The following RIF1 variants were observed in gnomAD, a reference collection of about 807,000 sequenced individuals.
The protein encoded by RIF1 is telomere-associated protein RIF1.
RIF1 carries 45 observed loss-of-function variants against 247.1 expected under a neutral mutation model. The observed-to-expected ratio is 0.18, with a 90% CI of 0.14 to 0.23. The LOEUF is 0.23. Among genes scored for constraint, RIF1 ranks in the 10% least tolerant of loss-of-function variants. The probability of loss-of-function intolerance (pLI) is 1.00; values close to 1 mark genes in which losing one functional copy is unlikely to be tolerated. For synonymous variants in RIF1, 1,087 were observed against 978.8 expected, an observed-to-expected ratio of 1.11 and a Z score of -2.06; for missense variants, 2,967 against 2,862.5, an observed-to-expected ratio of 1.04 and a Z score of -0.83.
chr2:151,524,913 G>C, the RIF1 span, among the ~76,000 whole-genome samples: 1 of 151,972 alleles, frequency 6.6e-6, no homozygotes, highest in Non-Finnish European at 1.5e-5. Context: ...TGATCTGCCT[G>C]TCTTGGGCTC....
At chr2:151,518,736 A>G in the RIF1 span, among the ~76,000 whole-genome samples, 1 of 152,184 alleles carries the variant, frequency 6.6e-6, no homozygotes. Flanking sequence ...TTGGAGGGCA[A>G]AGTTTAAATA....
chr2:151,438,808 T>G (rs1691726855), intron 14 of RIF1, 62 bp downstream of exon 14: 5 of 973,248 alleles, frequency 5.1e-6, no homozygotes, highest in Non-Finnish European at 8.3e-6. Context: ...AGATGATTTT[T>G]ATAGCATCCG....
Position 151,459,473 on chromosome 2 carries a change from A to G in RIF1, c.2956-527A>G, listed in dbSNP as rs139478940. On this transcript the variant is annotated intron_variant, in intron 25 of 35. Coordinates refer to ENST00000444746, the MANE Select transcript of RIF1 (RefSeq NM_018151.5). ...TTTTGTTTAGAATCTTTGGGAGAAA[A>G]AAGACTGTTATAGCCAACTAAGTAT... Among the ~76,000 whole-genome samples the G allele has an allele frequency of 8.0e-3, 1,213 of 152,266 alleles. 10 individuals carry two copies. The highest frequency in any genetic ancestry group is 0.01 in the Non-Finnish European group (696 of 68,006).
rs116146248 is a variant in RIF1 at position 151,451,359 on chromosome 2, A to T, written c.2245-247A>T. Among the ~76,000 whole-genome samples the T allele has an allele frequency of 8.5e-3, 1,295 of 152,312 alleles. 25 individuals carry two copies. The highest frequency in any genetic ancestry group is 0.03 in the African/African-American group (1,235 of 41,564). Reference sequence around the variant, plus strand: ...ACAACAGACTATATAGGTGTGTAGTAGGCTGTATCATCTAGGTTTGTGTGG... The same window carrying T: ...ACAACAGACTATATAGGTGTGTAGTTGGCTGTATCATCTAGGTTTGTGTGG... On this transcript the variant is annotated intron_variant, in intron 20 of 35. Coordinates refer to ENST00000444746, the MANE Select transcript of RIF1 (RefSeq NM_018151.5).
the RIF1 span, among the ~76,000 whole-genome samples, chr2:151,523,066 AT>A: frequency 1.3e-5 from 2 of 152,204 alleles, no homozygotes; most frequent in African/African-American, 4.8e-5. Flanking sequence ...TTTCAACATC[AT>A]AGTCGTTTGT....
At chr2:151,484,126 ATGGT>A (rs1161324221), downstream of RIF1, among the ~76,000 whole-genome samples, 3 of 152,056 alleles carry the variant, frequency 2.0e-5, no homozygotes, top group East Asian at 3.9e-4. Context: ...TTTTTGATTC[ATGGT>A]TGGTTGAATT....
At chr2:151,507,253 T>G in intron 13 of RIF1, 2 of 416,944 alleles carry the variant, frequency 4.8e-6, no homozygotes, top group Non-Finnish European at 8.5e-6. Flanking sequence ...CTTAGTAGAT[T>G]TAACTTTGAA....
At chr2:151,518,261 C>G in the RIF1 span, 1 of 1,258,200 alleles carries the variant, frequency 7.9e-7, no homozygotes, top group Non-Finnish European at 1.2e-6. Context: ...AATTTTTTTT[C>G]ACATTGTACT....
At chr2:151,509,397 T>A (rs1559374220), downstream of RIF1, among the ~76,000 whole-genome samples, 2 of 152,198 alleles carry the variant, frequency 1.3e-5, no homozygotes, top group African/African-American at 4.8e-5. Context: ...ATTGTTTTTC[T>A]TTTATTTTTT....
chr2:151,458,923 G>A lies in RIF1; in HGVS notation c.2955+13G>A, dbSNP rs141789856. 1.2e-4 allele frequency: 176 copies of A among 1,452,140 alleles called. No individual in the cohort carries two copies. The African/African-American group carries it at 1.9e-3, about 16-fold the overall frequency. The allele number at this position is 1,452,140 out of a possible 1,614,324, so 90.0% of individuals were successfully genotyped here. On this transcript the variant is annotated intron_variant, in intron 25 of 35. Transcript: ENST00000444746. Reference sequence around the variant, plus strand: ...ATATTCTGATGGAGTAAGTTGGGGGGTTTTATTGTTCATTTGTTTTTGGAC... The same window carrying A: ...ATATTCTGATGGAGTAAGTTGGGGGATTTTATTGTTCATTTGTTTTTGGAC...
chr2:151,514,983 T>C, the RIF1 span: 1 of 1,101,088 alleles, frequency 9.1e-7, no homozygotes, highest in Non-Finnish European at 1.3e-6. Flanking sequence ...TTACAATATA[T>C]CTCTCCATCT....
At chr2:151,462,041 T>G (rs1696264909) in intron 27 of RIF1, among the ~76,000 whole-genome samples, 1 of 152,238 alleles carries the variant, frequency 6.6e-6, no homozygotes, top group African/African-American at 2.4e-5. Context: ...GCCCAGCTAA[T>G]TTTTTATTTT....
At chr2:151,447,827 C>T (rs1395759550) in intron 20 of RIF1, among the ~76,000 whole-genome samples, 1 of 152,152 alleles carries the variant, frequency 6.6e-6, no homozygotes, top group Non-Finnish European at 1.5e-5. Flanking sequence ...AGGCGTGAGC[C>T]ATTGCACCTG....
chr2:151,449,223 A>G (rs536535244), intron 20 of RIF1, among the ~76,000 whole-genome samples: 34 of 152,178 alleles, frequency 2.2e-4, no homozygotes, highest in African/African-American at 8.2e-4. Context: ...TTTGGGATAC[A>G]CTTCTTGGTT....
chr2:151,453,825 C>T (rs988861425), intron 21 of RIF1, among the ~76,000 whole-genome samples: 4 of 152,158 alleles, frequency 2.6e-5, no homozygotes, highest in Admixed American at 6.5e-5. Flanking sequence ...CTTACTGTGG[C>T]ACAATTATTG....
At chr2:151,494,108 C>T (rs2058551411) in intron 9 of RIF1, 1 of 1,450,584 alleles carries the variant, frequency 6.9e-7, no homozygotes. Context: ...GCAGGCCAAA[C>T]TGCAAGAGTT....
At chr2:151,483,051 T>C (rs1295161447), downstream of RIF1, 1 of 139,268 alleles carries the variant, frequency 7.2e-6, no homozygotes, top group Non-Finnish European at 1.5e-5. Flanking sequence ...TCTGCAAGGA[T>C]CCTATTTACA....
At chr2:151,504,406 AGTT>A in intron 12 of RIF1, among the ~76,000 whole-genome samples, 1 of 152,332 alleles carries the variant, frequency 6.6e-6, no homozygotes, top group East Asian at 1.9e-4. Context: ...AAAACCAAGA[AGTT>A]GTAATGCAAA....
intron 9 of RIF1, chr2:151,493,834 G>T: frequency 6.3e-7 from 1 of 1,584,078 alleles, no homozygotes; most frequent in Non-Finnish European, 8.6e-7. Flanking sequence ...AAGGGTGTGG[G>T]GGTTGCTTTC....
Sources: allele counts gnomAD v4.1 joint callset (sites outside exome capture counted in the v4.1 genomes callset), GRCh38; gene constraint gnomAD v4.1.1; transcripts MANE v1.5; gene names NCBI Gene and HGNC (gene_info 2026-07-23, HGNC 2026-07-21).